The following DECR2 variants were observed in gnomAD, a reference collection of about 807,000 sequenced individuals.
The protein encoded by DECR2 is peroxisomal 2,4-dienoyl-CoA reductase [(3E)-enoyl-CoA-producing].
In DECR2, 34 loss-of-function variants were observed where a neutral mutation model predicts 29.2. That is an observed-to-expected ratio of 1.16 (90% CI 0.89 to 1.55). The LOEUF is 1.55. Ranked by LOEUF, DECR2 falls within the 40% of genes most tolerant of loss-of-function variation. The pLI is 0.00. For synonymous variants in DECR2, 224 were observed against 182.7 expected, an observed-to-expected ratio of 1.23 and a Z score of -1.82; for missense variants, 485 against 425.3, an observed-to-expected ratio of 1.14 and a Z score of -1.23.
Position 410,192 on chromosome 16 carries a change from G to C in DECR2, c.338-51G>C. The C allele has an allele frequency of 6.3e-7, 1 of 1,588,976 alleles. No homozygotes were observed. Among genetic ancestry groups the C allele is most frequent in the Non-Finnish European group, 8.6e-7 (1 of 1,166,566 alleles). On this transcript the variant is annotated intron_variant, in intron 4 of 8. Transcript: ENST00000219481. This position sits in a 1 kb window ranked among gnomAD's most constrained non-coding sequence, Gnocchi z 4.1. ...CTGCCCACCTGGCCACCACCCACTT[G>C]GCATCCCTCTCCCCAGGCTCCAGCA...
rs2054793085 is a variant in DECR2, at chr16:410,131, C to T, written c.338-112C>T. ...TAGGGCATGGGTCTCCTCCCTGTGC[C>T]ACAGGGCACCTGGGCTCCCTCCTGC... On this transcript the variant is annotated intron_variant, in intron 4 of 8. Coordinates refer to ENST00000219481, the MANE Select transcript of DECR2 (RefSeq NM_020664.4). The surrounding 1 kb of genome is among the most constrained non-coding windows in gnomAD (Gnocchi z 4.1). 1.4e-5 allele frequency: 20 copies of T among 1,458,044 alleles called. No homozygotes were observed. The East Asian group carries it at 4.5e-4, about 33-fold the overall frequency. 90.3% of individuals were successfully genotyped at this position (1,458,044 alleles called of 1,614,324 possible).
At position 411,897 on chromosome 16, in the gene DECR2, C is replaced by A. The variant is rs1235367846; in HGVS notation, c.*8C>A. On this transcript the variant is annotated 3_prime_UTR_variant, in exon 9 of 9. Coordinates refer to ENST00000219481, the MANE Select transcript of DECR2 (RefSeq NM_020664.4). ...GTTCTGAAACTCCTGCAGGAATCTTCCGGCCGCTGCTTCCTGCCGCCTCAC... is the reference window on the plus strand; with the variant it reads ...GTTCTGAAACTCCTGCAGGAATCTTACGGCCGCTGCTTCCTGCCGCCTCAC... 3 of 343,458 alleles carry A rather than the reference C, an allele frequency of 8.7e-6. No homozygotes were observed. The highest frequency in any genetic ancestry group is 1.6e-5 in the Non-Finnish European group (3 of 188,674). The allele number at this position is 343,458 out of a possible 1,614,324, so 21.3% of individuals were successfully genotyped here.
chr16:403,229 A>G (rs1414401650), intron 1 of DECR2, among the ~76,000 whole-genome samples: 1 of 151,912 alleles, frequency 6.6e-6, no homozygotes, highest in Non-Finnish European at 1.5e-5. Flanking sequence ...CATGTTGGTC[A>G]GGCTGGTCTG....
intron 4 of DECR2, among the ~76,000 whole-genome samples, chr16:409,047 G>A (rs1214227031): frequency 7.2e-5 from 11 of 152,056 alleles, no homozygotes; most frequent in Admixed American, 7.2e-4. Flanking sequence ...GTTTAGACTG[G>A]TCTCGAACTC....
Position 407,545 on chromosome 16 carries a change from G to T in DECR2, c.322G>T (p.Asp108Tyr). 1.9e-6 allele frequency: 3 copies of T among 1,613,972 alleles called. No individual in the cohort carries two copies. In the South Asian group the frequency reaches 3.3e-5, roughly 18 times the overall value. The change falls in exon 4 of 9, where the codon GAC becomes TAC. Residue 108 changes from aspartate to tyrosine, a missense_variant. Coordinates refer to ENST00000219481, the MANE Select transcript of DECR2 (RefSeq NM_020664.4). ...GGCTCTGAAGGAGTTTGGCAGAATC[G>T]ACATTCTCATTAACTGTGAGTCGGT... is the stretch of plus-strand genomic sequence containing the variant. ...DQALKEFGRIDILINCAAGNF... is the reference protein window; with the variant it reads ...DQALKEFGRIYILINCAAGNF...
chr16:408,092 TCCAGCCCC>T (rs2054759968), intron 4 of DECR2, among the ~76,000 whole-genome samples: 1 of 21,424 alleles, frequency 4.7e-5, no homozygotes, highest in African/African-American at 1.8e-4. Context: ...GGCCCCTGTC[TCCAGCCCC>T]CTGTCTCCGG....
chr16:406,013 G>A (rs1214407457), intron 2 of DECR2, among the ~76,000 whole-genome samples: 1 of 152,242 alleles, frequency 6.6e-6, no homozygotes, highest in African/African-American at 2.4e-5. Context: ...CAGCCCCACA[G>A]GGAGAAGGGG....
At position 407,517 on chromosome 16, in the gene DECR2, C is replaced by T. The variant is rs373095907; in HGVS notation, c.294C>T (p.Asp98=). 18 of 1,613,938 alleles carry T rather than the reference C, an allele frequency of 1.1e-5. No individual in the cohort carries two copies. Among genetic ancestry groups the T allele is most frequent in the Non-Finnish European group, 1.4e-5 (17 of 1,179,944 alleles). ...CCCCAGCTGTCATGGCCGCCGTGGA[C>T]CAGGCTCTGAAGGAGTTTGGCAGAA... ...RAPPAVMAAV[D]QALKEFGRID... is the part of the protein sequence containing the mutation. Residue 98 remains aspartate, a synonymous_variant, in exon 4 of 9, where the codon GAC becomes GAT. Coordinates refer to ENST00000219481, the MANE Select transcript of DECR2 (RefSeq NM_020664.4).
Position 411,488 on chromosome 16 carries a change from C to T in DECR2, c.789C>T (p.Ala263=), listed in dbSNP as rs746306177. The T allele has an allele frequency of 1.4e-5, 23 of 1,613,882 alleles. No homozygotes were observed. The highest frequency in any genetic ancestry group is 5.5e-5 in the South Asian group (5 of 91,084). ...CTCTGGCTTCCTACGTGACGGGGGC[C>T]GTGCTGGTGGCCGATGGCGGGGCAT... ...ASPLASYVTG[A]VLVADGGAWL... The change falls in exon 8 of 9, where the codon GCC becomes GCT. Residue 263 remains alanine, a synonymous_variant. Coordinates refer to ENST00000219481, the MANE Select transcript of DECR2 (RefSeq NM_020664.4).
chr16:410,857 G>A lies in DECR2; in HGVS notation c.556+73G>A. ...GGGCCGTCTGCTTCCATCCCAGGAG[G>A]CCAGCAGTCTCCACTTGAAGCTGAG... On this transcript the variant is annotated intron_variant, in intron 6 of 8. Coordinates refer to ENST00000219481, the MANE Select transcript of DECR2 (RefSeq NM_020664.4). The surrounding 1 kb of genome is among the most constrained non-coding windows in gnomAD (Gnocchi z 4.1). 2 of 1,522,034 alleles carry A rather than the reference G, an allele frequency of 1.3e-6. No homozygotes were observed. Among genetic ancestry groups the A allele is most frequent in the South Asian group, 1.2e-5 (1 of 82,800 alleles). The allele number at this position is 1,522,034 out of a possible 1,614,324, so 94.3% of individuals were successfully genotyped here. A position where few individuals can be genotyped will look rare whatever the true frequency, so the allele number is the denominator to read the frequency against.
intron 2 of DECR2, chr16:405,355 A>G: frequency 3.7e-6 from 2 of 535,058 alleles, no homozygotes; most frequent in Admixed American, 3.3e-5. Context: ...GCTTCAGGCC[A>G]GGGTCAGCAA....
In DECR2 at chr16:406,295, C is replaced by CCT. The variant is rs373665210; in HGVS notation, c.150-51_150-50insCT. On this transcript the variant is annotated intron_variant, in intron 2 of 8. Coordinates refer to ENST00000219481, the MANE Select transcript of DECR2 (RefSeq NM_020664.4). The stretch of plus-strand genomic sequence containing the variant: ...CTGCTCAGGAGCTGGGCAGATGCCC[C>CCT]GGGAGTGCCCCTCGCCCACACTGCC... The CCT allele has an allele frequency of 5.0e-3, 7,991 of 1,587,798 alleles. 73 individuals are homozygous for CCT. The highest frequency in any genetic ancestry group is 0.021 in the East Asian group (934 of 44,740).
At chr16:407,721 GCTCCGGCCCCCTGTCTCCGGCCCCAT>G (rs1157856879) in intron 4 of DECR2, 161 bp downstream of exon 4, 151 of 1,194,108 alleles carry the variant, frequency 1.3e-4, no homozygotes, top group Non-Finnish European at 1.5e-4. Context: ...CAAGACTCAG[GCTCCGGCCCCCTGTCTCCGGCCCCAT>G]CTCCGGCCCC....
chr16:407,653 C>T, intron 4 of DECR2, 93 bp downstream of exon 4: 1 of 1,544,020 alleles, frequency 6.5e-7, no homozygotes, highest in Non-Finnish European at 8.8e-7. Flanking sequence ...GGGGACCATG[C>T]CAGGGAACCT....
intron 1 of DECR2, among the ~76,000 whole-genome samples, chr16:403,374 A>G (rs1411266788): frequency 6.6e-6 from 1 of 152,162 alleles, no homozygotes; most frequent in Non-Finnish European, 1.5e-5. Context: ...GATCAGCAAA[A>G]GTTTGCCATC....
intron 2 of DECR2, chr16:405,629 A>C: frequency 1.5e-6 from 2 of 1,298,316 alleles, no homozygotes; most frequent in Non-Finnish European, 2.0e-6. Flanking sequence ...CGAGAAACCA[A>C]AGAACAAGGC....
chr16:411,437 C>T lies in DECR2; in HGVS notation c.738C>T (p.Ala246=), dbSNP rs375427675. 48 of 1,613,444 alleles carry T rather than the reference C, an allele frequency of 3.0e-5. No individual in the cohort carries two copies. Among genetic ancestry groups the T allele is most frequent in the Non-Finnish European group, 3.6e-5 (42 of 1,180,014 alleles). The part of the protein sequence containing the change: ...LQRLGNKTEI[A]HSVLYLASPL... ...GGCTGGGGAACAAGACCGAGATCGC[C>T]CACAGCGTGCTCTACCTGGCCAGCC... is the stretch of plus-strand genomic sequence containing the variant. The change falls in exon 8 of 9, where the codon GCC becomes GCT. Residue 246 remains alanine (A), a synonymous_variant. Transcript: ENST00000219481.
chr16:409,331 T>C (rs1378916561), intron 4 of DECR2, among the ~76,000 whole-genome samples: 8 of 151,864 alleles, frequency 5.3e-5, no homozygotes, highest in Admixed American at 1.3e-4. Context: ...CCACCACGCC[T>C]GGCTAACTTT....
Position 404,580 on chromosome 16 carries a change from G to A in DECR2, c.81-376G>A, listed in dbSNP as rs73494308. On this transcript the variant is annotated intron_variant, in intron 1 of 8. Transcript: ENST00000219481. ...ATCATTGCCGTATAGCAATATGGGAGGTGTATTTTAACAGGGCTCTTTTAT... is the reference window on the plus strand; with the variant it reads ...ATCATTGCCGTATAGCAATATGGGAAGTGTATTTTAACAGGGCTCTTTTAT... Among the ~76,000 whole-genome samples the A allele has an allele frequency of 3.7e-3, 562 of 151,818 alleles. 4 individuals are homozygous for A. Among genetic ancestry groups the A allele is most frequent in the African/African-American group, 0.013 (530 of 41,454 alleles).
Sources: gnomAD v4.1 joint callset for allele counts (sites outside exome capture counted in the v4.1 genomes callset) on GRCh38, gnomAD v4.1.1 for gene constraint, Gnocchi (gnomAD v3.1) non-coding constraint, MANE v1.5 for transcripts, NCBI Gene and HGNC (gene_info 2026-07-23, HGNC 2026-07-21) for gene names.